Variants in PIP5K1B observed in about 807,000 individuals in gnomAD.
The protein encoded by PIP5K1B is phosphatidylinositol-4-phosphate 5-kinase type 1 beta.
A neutral mutation model predicts 67.0 loss-of-function variants in PIP5K1B; 42 were observed. The observed-to-expected ratio is 0.63, with a 90% CI of 0.49 to 0.81. The LOEUF is 0.81. Among genes scored for constraint, PIP5K1B ranks in the 30% least tolerant of loss-of-function variants. The pLI is 0.00. For synonymous variants in PIP5K1B, 214 were observed against 231.4 expected (o/e 0.92, Z 0.68); for missense variants, 459 against 646.3 (o/e 0.71, Z 3.14).
chr9:68,970,072 T>A (rs1004700932), intron 14 of PIP5K1B, among the ~76,000 whole-genome samples: 4 of 152,164 alleles, frequency 2.6e-5, no homozygotes, highest in African/African-American at 9.7e-5. Flanking sequence ...GAAGTGACAT[T>A]ACTTACTTAA....
At chr9:68,926,957 C>T (rs958017272) in intron 12 of PIP5K1B, among the ~76,000 whole-genome samples, 4 of 152,178 alleles carry the variant, frequency 2.6e-5, no homozygotes, top group African/African-American at 9.7e-5. Context: ...CTCTTCCCAG[C>T]CCCTGGCAAC....
intron 5 of PIP5K1B, among the ~76,000 whole-genome samples, chr9:68,872,410 A>G (rs1233903163): frequency 6.6e-6 from 1 of 152,186 alleles, no homozygotes; most frequent in Non-Finnish European, 1.5e-5. Flanking sequence ...TTTGTTATTC[A>G]TTGGAACAGC....
intron 4 of PIP5K1B, chr9:68,824,121 C>T (rs778604170): frequency 1.5e-5 from 8 of 518,842 alleles, no homozygotes; most frequent in African/African-American, 1.5e-4. Flanking sequence ...CAAATCCTGT[C>T]TCGTTTACCC....
At chr9:68,907,231 G>A (rs1453094527) in intron 8 of PIP5K1B, among the ~76,000 whole-genome samples, 1 of 151,966 alleles carries the variant, frequency 6.6e-6, no homozygotes, top group African/African-American at 2.4e-5. Context: ...CATTTTTTAG[G>A]TGAGCACCAT....
intron 2 of PIP5K1B, among the ~76,000 whole-genome samples, chr9:68,746,657 C>T (rs1478024996): frequency 6.6e-6 from 1 of 152,178 alleles, no homozygotes; most frequent in Non-Finnish European, 1.5e-5. Flanking sequence ...CTCAGCACTT[C>T]CATGTCTCTT....
chr9:68,713,696 G>T (rs1264272782), intron 1 of PIP5K1B, among the ~76,000 whole-genome samples: 2 of 152,088 alleles, frequency 1.3e-5, no homozygotes. Context: ...GAATAGATTG[G>T]GTATCTAGGA....
rs1833568577 is a variant in PIP5K1B, at chr9:68,818,554, A to G, written c.-1+9A>G. 1 of 152,664 alleles carries G rather than the reference A, an allele frequency of 6.6e-6. No individual in the cohort carries two copies. The highest frequency in any genetic ancestry group is 6.5e-5 in the Admixed American group (1 of 15,276). 9.5% of individuals were successfully genotyped at this position (152,664 alleles called of 1,614,324 possible). Reference sequence around the variant, plus strand: ...CCATTTCATTTACAAAGGTAAGGAAATAAAGTCTGTATTTTTAATTAATTC... The same window carrying G: ...CCATTTCATTTACAAAGGTAAGGAAGTAAAGTCTGTATTTTTAATTAATTC... On this transcript the variant is annotated intron_variant, in intron 3 of 15. Transcript: ENST00000265382.
chr9:68,722,032 C>T (rs1424546768), intron 1 of PIP5K1B, among the ~76,000 whole-genome samples: 1 of 152,090 alleles, frequency 6.6e-6, no homozygotes, highest in African/African-American at 2.4e-5. Flanking sequence ...ATTTCTCAGG[C>T]ACACATTCTC....
chr9:68,850,566 A>T (rs554858640), intron 4 of PIP5K1B, among the ~76,000 whole-genome samples: 109 of 152,350 alleles, frequency 7.2e-4, no homozygotes, highest in Non-Finnish European at 1.5e-4. Context: ...GTAAGAAGAG[A>T]ATAGATGCTG....
At position 68,876,800 on chromosome 9, in the gene PIP5K1B, A is replaced by C; in HGVS notation, c.318+6A>C. 7.6e-7 allele frequency: 1 copy of C among 1,321,766 alleles called. No homozygotes were observed. The highest frequency in any genetic ancestry group is 2.3e-5 in the East Asian group (1 of 43,582). The allele number at this position is 1,321,766 out of a possible 1,614,324, so 81.9% of individuals were successfully genotyped here. ...TCAAGCCTGATGATTACTTGGTAAGAACCTGTCATTTTTCTTCCTTCTATA... is the reference window on the plus strand; with the variant it reads ...TCAAGCCTGATGATTACTTGGTAAGCACCTGTCATTTTTCTTCCTTCTATA... On this transcript the variant is annotated splice_donor_region_variant and intron_variant, in intron 6 of 15. Transcript: ENST00000265382.
intron 8 of PIP5K1B, among the ~76,000 whole-genome samples, chr9:68,907,504 T>G (rs1245249754): frequency 6.6e-6 from 1 of 152,142 alleles, no homozygotes; most frequent in East Asian, 1.9e-4. Flanking sequence ...TAATGATAAT[T>G]CTCAGAACCT....
At chr9:68,886,505 C>A (rs1824485111) in intron 6 of PIP5K1B, among the ~76,000 whole-genome samples, 1 of 152,170 alleles carries the variant, frequency 6.6e-6, no homozygotes, top group African/African-American at 2.4e-5. Context: ...GGAACTGTAT[C>A]ACAGTGTAAG....
chr9:68,826,009 G>A (rs1030459443), intron 4 of PIP5K1B, among the ~76,000 whole-genome samples: 3 of 152,178 alleles, frequency 2.0e-5, no homozygotes, highest in African/African-American at 7.2e-5. Flanking sequence ...CTTTTGTCTT[G>A]CAGTTGACCA....
At chr9:68,873,351 G>A (rs1305972915) in intron 5 of PIP5K1B, among the ~76,000 whole-genome samples, 2 of 141,932 alleles carry the variant, frequency 1.4e-5, no homozygotes, top group Non-Finnish European at 3.0e-5. Flanking sequence ...GCAGTGGCGC[G>A]ACCTCGGCTC....
At chr9:68,714,281 C>T (rs1827530596) in intron 1 of PIP5K1B, among the ~76,000 whole-genome samples, 3 of 152,292 alleles carry the variant, frequency 2.0e-5, no homozygotes, top group East Asian at 1.9e-4. Flanking sequence ...TGGTGGGCAC[C>T]GCTAGTCACC....
chr9:68,737,330 T>A (rs1587364667), intron 1 of PIP5K1B, among the ~76,000 whole-genome samples: 1 of 152,182 alleles, frequency 6.6e-6, no homozygotes. Flanking sequence ...TAGTGTTATG[T>A]TTATTTTGCT....
At position 69,008,453 on chromosome 9, in the gene PIP5K1B, A is replaced by C. The variant is rs766361992; in HGVS notation, c.*4A>C. Reference sequence around the variant, plus strand: ...GCTTTTTTGCTCCCCCCAGTAAGTGAAAATGGTGATCACCTAAGCACATGG... The same window carrying C: ...GCTTTTTTGCTCCCCCCAGTAAGTGCAAATGGTGATCACCTAAGCACATGG... On this transcript the variant is annotated 3_prime_UTR_variant, in exon 16 of 16. Transcript: ENST00000265382. 1.2e-5 allele frequency: 19 copies of C among 1,613,766 alleles called. No individual in the cohort carries two copies. The highest frequency in any genetic ancestry group is 1.5e-5 in the Non-Finnish European group (18 of 1,179,636).
chr9:68,925,412 T>C (rs1826639741), intron 12 of PIP5K1B, among the ~76,000 whole-genome samples: 1 of 152,206 alleles, frequency 6.6e-6, no homozygotes, highest in South Asian at 2.1e-4. Context: ...TATGCCACTC[T>C]GATAAGTAAA....
chr9:68,848,870 C>T (rs992547463), intron 4 of PIP5K1B, among the ~76,000 whole-genome samples: 7 of 151,994 alleles, frequency 4.6e-5, no homozygotes, highest in Admixed American at 3.9e-4. Flanking sequence ...GCAAATAATA[C>T]AATTAATACA....
Sources: allele counts gnomAD v4.1 joint callset (sites outside exome capture counted in the v4.1 genomes callset), GRCh38; gene constraint gnomAD v4.1.1; transcripts MANE v1.5; gene names NCBI Gene and HGNC (gene_info 2026-07-23, HGNC 2026-07-21).